TENM4: variants seen among roughly 807,000 people sequenced by gnomAD.
The protein encoded by TENM4 is teneurin-4.
In TENM4, 82 loss-of-function variants were observed where a neutral mutation model predicts 243.3. The ratio of observed to expected loss-of-function variants is 0.34; its 90% CI spans 0.28 to 0.40. The LOEUF is 0.40. TENM4 is among the 10% of genes least tolerant of loss of function. TENM4 has a pLI of 1.00. For missense variants in TENM4, 3,138 were observed against 3,673.3 expected (o/e 0.85, Z 3.77); for synonymous variants, 1,412 against 1,456.3 (o/e 0.97, Z 0.69).
At chr11:78,898,932 A>G (rs1855858180) in intron 7 of TENM4, among the ~76,000 whole-genome samples, 1 of 152,182 alleles carries the variant, frequency 6.6e-6, no homozygotes, top group Admixed American at 6.5e-5. Flanking sequence ...AGCATTTACT[A>G]TATGCTAAGA....
rs1312720091 is a variant in TENM4, at chr11:79,139,697, TATA to T, written c.-66+9010_-66+9012del. Among the ~76,000 whole-genome samples, 4 of 101,564 alleles carry T rather than the reference TATA, an allele frequency of 3.9e-5. 1 individual carries two copies. Among genetic ancestry groups the T allele is most frequent in the East Asian group, 2.7e-4 (1 of 3,762 alleles). The allele number at this position is 101,564 out of a possible 152,430, so 66.6% of individuals were successfully genotyped here. On this transcript the variant is annotated intron_variant, in intron 4 of 33. Coordinates refer to ENST00000278550, the MANE Select transcript of TENM4 (RefSeq NM_001098816.3). The stretch of plus-strand genomic sequence containing the variant: ...ATTTTATATAAGTATATAAAATATA[TATA>T]ATATTTATATAAGTATATAAAATAT...
chr11:79,109,326 G>A (rs999902688), intron 4 of TENM4, among the ~76,000 whole-genome samples: 3 of 152,188 alleles, frequency 2.0e-5, no homozygotes, highest in African/African-American at 4.8e-5. Flanking sequence ...GTGTGACAAG[G>A]CCTGATAGCT....
At chr11:78,974,587 G>A (rs1048063184) in intron 6 of TENM4, among the ~76,000 whole-genome samples, 1 of 152,194 alleles carries the variant, frequency 6.6e-6, no homozygotes, top group Non-Finnish European at 1.5e-5. Flanking sequence ...CCTGTGCAGA[G>A]TAAATGCATA....
intron 4 of TENM4, among the ~76,000 whole-genome samples, chr11:79,125,761 C>T (rs1380774629): frequency 6.6e-6 from 1 of 152,094 alleles, no homozygotes; most frequent in Admixed American, 6.5e-5. Flanking sequence ...GATGGCCTCC[C>T]CTGAGGCAGT....
chr11:79,276,244 C>T (rs2135354329), intron 2 of TENM4, among the ~76,000 whole-genome samples: 1 of 152,354 alleles, frequency 6.6e-6, no homozygotes, highest in Non-Finnish European at 1.5e-5. Flanking sequence ...GTGGCCTTCA[C>T]TTGCTAATGG....
chr11:78,917,738 A>G (rs528436036), intron 6 of TENM4, among the ~76,000 whole-genome samples: 44 of 152,194 alleles, frequency 2.9e-4, no homozygotes, highest in African/African-American at 1.0e-3. Context: ...CTGTCTTTCC[A>G]TTTCATCTTC....
intron 1 of TENM4, among the ~76,000 whole-genome samples, chr11:79,303,050 C>T (rs562961086): frequency 6.6e-6 from 1 of 152,256 alleles, no homozygotes; most frequent in Admixed American, 6.5e-5. Flanking sequence ...CATTTCCTGC[C>T]CTGGAAGAAA....
At chr11:79,131,532 C>T (rs562542945) in intron 4 of TENM4, among the ~76,000 whole-genome samples, 1 of 152,292 alleles carries the variant, frequency 6.6e-6, no homozygotes, top group African/African-American at 2.4e-5. Flanking sequence ...AAAGGGAGCT[C>T]TAAATCTTGA....
At chr11:78,857,287 G>A (rs933200925) in intron 10 of TENM4, among the ~76,000 whole-genome samples, 14 of 152,262 alleles carry the variant, frequency 9.2e-5, no homozygotes, top group African/African-American at 2.9e-4. Context: ...AGAGATGTTC[G>A]AAGAGACACT....
In TENM4 at chr11:78,863,027, G is replaced by T. The variant is rs1275073092; in HGVS notation, c.1190C>A (p.Ser397Tyr). 3.9e-6 allele frequency: 6 copies of T among 1,536,736 alleles called. No homozygotes were observed. Among genetic ancestry groups the T allele is most frequent in the Non-Finnish European group, 5.3e-6 (6 of 1,135,324 alleles). Residue 397 changes from serine (S) to tyrosine (Y), a missense_variant, in exon 10 of 34, where the codon TCC becomes TAC. Ser to Tyr is a moderately radical substitution (Grantham distance 144, BLOSUM62 -2). This residue lies in a region of TENM4 where 671 missense variants were observed against 614.1 expected (regional missense o/e 1.09). Coordinates refer to ENST00000278550, the MANE Select transcript of TENM4 (RefSeq NM_001098816.3). ...GCCAGTGCCCCCTGAGGGGTATAGG[G>T]AGACGTCGGTTGGCACAGGCCAACT... is the stretch of plus-strand genomic sequence containing the variant. Reference protein sequence around the residue: ...ASSWPVPTDVSLYPSGGTGLE... With the variant: ...ASSWPVPTDVYLYPSGGTGLE...
intron 19 of TENM4, among the ~76,000 whole-genome samples, chr11:78,754,216 A>C (rs1225948601): frequency 6.6e-6 from 1 of 152,250 alleles, no homozygotes; most frequent in African/African-American, 2.4e-5. Context: ...CGGCAGAGCC[A>C]GGATCTGAAG....
chr11:79,070,034 G>C, intron 4 of TENM4, 25 bp from the exon 5 acceptor site: 1 of 1,477,784 alleles, frequency 6.8e-7, no homozygotes, highest in African/African-American at 1.4e-5. Context: ...ACCAAAGATA[G>C]GGCGTGAGAG....
At chr11:79,082,315 C>T (rs1480992897) in intron 4 of TENM4, among the ~76,000 whole-genome samples, 2 of 152,150 alleles carry the variant, frequency 1.3e-5, no homozygotes, top group Non-Finnish European at 2.9e-5. Flanking sequence ...CCCACACAAG[C>T]TCCCCAGGTT....
At chr11:79,367,289 A>T (rs1857694838) in intron 1 of TENM4, among the ~76,000 whole-genome samples, 1 of 152,210 alleles carries the variant, frequency 6.6e-6, no homozygotes, top group Non-Finnish European at 1.5e-5. Context: ...TTCTGACCTT[A>T]TATGCATGGC....
At chr11:79,356,892 TTATAA>T (rs1857506264) in intron 1 of TENM4, among the ~76,000 whole-genome samples, 1 of 152,190 alleles carries the variant, frequency 6.6e-6, no homozygotes. Flanking sequence ...ATAATGAATA[TTATAA>T]TATGAGAGAT....
intron 19 of TENM4, among the ~76,000 whole-genome samples, chr11:78,740,886 T>C (rs1855915106): frequency 6.6e-6 from 1 of 152,202 alleles, no homozygotes; most frequent in African/African-American, 2.4e-5. Context: ...TTGGCTACCA[T>C]GTAGCCTCCA....
At chr11:79,374,867 G>A (rs1024521226) in intron 1 of TENM4, among the ~76,000 whole-genome samples, 1 of 152,162 alleles carries the variant, frequency 6.6e-6, no homozygotes, top group Non-Finnish European at 1.5e-5. Context: ...CAAGCCGGGG[G>A]TAATTAGTAA....
At chr11:79,344,112 T>G (rs1565308158) in intron 1 of TENM4, among the ~76,000 whole-genome samples, 1 of 152,186 alleles carries the variant, frequency 6.6e-6, no homozygotes, top group East Asian at 1.9e-4. Context: ...CTCCCAGACC[T>G]AGGTGGGACA....
intron 19 of TENM4, among the ~76,000 whole-genome samples, chr11:78,743,130 T>A (rs945404406): frequency 1.3e-5 from 2 of 152,178 alleles, no homozygotes; most frequent in Non-Finnish European, 1.5e-5. Context: ...TTAATGGAGC[T>A]CATGCAATAC....
Sources: allele counts gnomAD v4.1 joint callset (sites outside exome capture counted in the v4.1 genomes callset), GRCh38; gene constraint gnomAD v4.1.1; regional missense constraint gnomAD v4.1.1; transcripts MANE v1.5; gene names NCBI Gene and HGNC (gene_info 2026-07-23, HGNC 2026-07-21).